CD5: variants seen among roughly 807,000 people sequenced by gnomAD.
CD5 encodes the protein CD5 molecule.
Under a neutral mutation model 60.3 loss-of-function variants are expected in CD5, and 36 were observed. The ratio of observed to expected loss-of-function variants is 0.60; its 90% CI spans 0.46 to 0.79. The LOEUF is 0.79. Ranked by LOEUF, CD5 falls within the 30% of genes least tolerant of loss-of-function variation. The pLI is 0.00. For missense variants in CD5, 540 were observed against 630.6 expected (o/e 0.86, Z 1.54); for synonymous variants, 230 against 257.6 (o/e 0.89, Z 1.03).
chr11:61,110,674 T>C (rs1339627655), intron 1 of CD5, among the ~76,000 whole-genome samples: 1 of 152,214 alleles, frequency 6.6e-6, no homozygotes, highest in Non-Finnish European at 1.5e-5. Context: ...GCCAGGCGGC[T>C]AGGTTTGAGT....
In CD5 at chr11:61,118,503, G is replaced by A. The variant is rs771914751; in HGVS notation, c.400+23G>A. The A allele has an allele frequency of 1.4e-5, 22 of 1,605,610 alleles. No homozygotes were observed. Among genetic ancestry groups the A allele is most frequent in the South Asian group, 6.6e-5 (6 of 90,366 alleles). The stretch of plus-strand genomic sequence containing the variant: ...TAGGTGGGTAACTAGCCAGCCACAC[G>A]GGCACCCTGGGCCTGGGCGCCAGCC... On this transcript the variant is annotated intron_variant, in intron 3 of 10. Coordinates refer to ENST00000347785, the MANE Select transcript of CD5 (RefSeq NM_014207.4). The surrounding 1 kb of genome is among the most constrained non-coding windows in gnomAD (Gnocchi z 4.7).
At chr11:61,109,935 G>A (rs544570227) in intron 1 of CD5, among the ~76,000 whole-genome samples, 1 of 152,202 alleles carries the variant, frequency 6.6e-6, no homozygotes, top group East Asian at 1.9e-4. Context: ...GCACTTCCAG[G>A]CCTCGGGGGC....
At chr11:61,103,479 A>C (rs1860730215) in intron 1 of CD5, among the ~76,000 whole-genome samples, 1 of 152,068 alleles carries the variant, frequency 6.6e-6, no homozygotes, top group Admixed American at 6.5e-5. Flanking sequence ...TGCCTGCCTG[A>C]GCAGGGAGCC....
chr11:61,119,103 T>C, intron 4 of CD5, 126 bp downstream of exon 4: 1 of 1,172,388 alleles, frequency 8.5e-7, no homozygotes, highest in Non-Finnish European at 1.2e-6. Context: ...ACGCAATATT[T>C]GGGACCCCAT....
chr11:61,099,599 A>T (rs1207946059), upstream of CD5, among the ~76,000 whole-genome samples: 1 of 151,580 alleles, frequency 6.6e-6, no homozygotes, highest in Non-Finnish European at 1.5e-5. Context: ...CAACATGGAG[A>T]TCACATTCAC....
In CD5 at chr11:61,118,101, G is replaced by C. The variant is rs914638546; in HGVS notation, c.95-74G>C. 4 of 1,493,540 alleles carry C rather than the reference G, an allele frequency of 2.7e-6. No individual in the cohort carries two copies. Among genetic ancestry groups the C allele is most frequent in the Non-Finnish European group, 3.7e-6 (4 of 1,090,586 alleles). 92.5% of individuals were successfully genotyped at this position (1,493,540 alleles called of 1,614,324 possible). The stretch of plus-strand genomic sequence containing the variant: ...GGAGGGAGCTCAACTGGGCGTCCTA[G>C]GGAGAGGGCAGTGAGGGGTGCCAGT... On this transcript the variant is annotated intron_variant, in intron 2 of 10. Coordinates refer to ENST00000347785, the MANE Select transcript of CD5 (RefSeq NM_014207.4). This position sits in a 1 kb window ranked among gnomAD's most constrained non-coding sequence, Gnocchi z 4.7.
chr11:61,114,276 C>T (rs375186417), intron 1 of CD5, among the ~76,000 whole-genome samples: 24 of 152,228 alleles, frequency 1.6e-4, no homozygotes, highest in African/African-American at 5.3e-4. Context: ...CGTGCACGGC[C>T]TCTCTATTCT....
intron 1 of CD5, among the ~76,000 whole-genome samples, chr11:61,103,053 T>C (rs1451782421): frequency 6.6e-6 from 1 of 152,190 alleles, no homozygotes; most frequent in East Asian, 1.9e-4. Context: ...GCAGCTCTGA[T>C]GATGCTCTGG....
chr11:61,121,931 T>C, intron 6 of CD5, 27 bp downstream of exon 6: 1 of 1,503,604 alleles, frequency 6.7e-7, no homozygotes, highest in South Asian at 1.3e-5. Context: ...CCACAGTGGG[T>C]GGAAGCAGTT....
chr11:61,123,683 G>T (rs1861102273), intron 7 of CD5, among the ~76,000 whole-genome samples: 1 of 152,072 alleles, frequency 6.6e-6, no homozygotes. Context: ...TTCGGCACAG[G>T]ATGGCTGCAA....
At chr11:61,120,514 A>G (rs1861042407) in intron 5 of CD5, among the ~76,000 whole-genome samples, 1 of 152,184 alleles carries the variant, frequency 6.6e-6, no homozygotes, top group Admixed American at 6.5e-5. Context: ...CTGTTCAAGC[A>G]GGGTCACTCT....
chr11:61,125,282 C>T, intron 9 of CD5, 131 bp downstream of exon 9: 1 of 981,916 alleles, frequency 1.0e-6, no homozygotes, highest in East Asian at 2.6e-5. Context: ...GCAAGGGGAT[C>T]AAACATCGCA....
chr11:61,110,312 C>A, intron 1 of CD5, among the ~76,000 whole-genome samples: 1 of 152,160 alleles, frequency 6.6e-6, no homozygotes, highest in East Asian at 1.9e-4. Flanking sequence ...CATCTCACCG[C>A]CCTCCCTCCA....
rs546402353 is a variant in CD5 at position 61,118,146 on chromosome 11, G to A, written c.95-29G>A. The A allele has an allele frequency of 1.9e-6, 3 of 1,603,378 alleles. No individual in the cohort carries two copies. In the East Asian group the frequency reaches 6.7e-5, roughly 36 times the overall value. Reference sequence around the variant, plus strand: ...GCCAGTGGGGAACCCCTCCCAGCCTGACCCCCACCACACCTTTCTGACCCC... The same window carrying A: ...GCCAGTGGGGAACCCCTCCCAGCCTAACCCCCACCACACCTTTCTGACCCC... On this transcript the variant is annotated intron_variant, in intron 2 of 10. Coordinates refer to ENST00000347785, the MANE Select transcript of CD5 (RefSeq NM_014207.4). The surrounding 1 kb of genome is among the most constrained non-coding windows in gnomAD (Gnocchi z 4.7).
At chr11:61,102,274 T>C (rs963878396), upstream of CD5, 3 of 495,306 alleles carry the variant, frequency 6.1e-6, no homozygotes, top group Non-Finnish European at 7.3e-6. Context: ...GGCCTTGTCC[T>C]GTGTGGGGGT....
chr11:61,121,621 C>A lies in CD5; in HGVS notation c.816C>A (p.Pro272=), dbSNP rs776415759. ...VLALLCSGFQ[P]KVQSRLVGGS... Reference sequence around the variant, plus strand: ...TGCTTCCCCTCTCAGGTTTCCAGCCCAAGGTGCAGAGCCGTCTGGTGGGGG... The same window carrying A: ...TGCTTCCCCTCTCAGGTTTCCAGCCAAAGGTGCAGAGCCGTCTGGTGGGGG... Residue 272 remains proline, a synonymous_variant, in exon 6 of 11, where the codon CCC becomes CCA. Coordinates refer to ENST00000347785, the MANE Select transcript of CD5 (RefSeq NM_014207.4). 132 of 1,470,390 alleles carry A rather than the reference C, an allele frequency of 9.0e-5. No individual in the cohort carries two copies. The highest frequency in any genetic ancestry group is 1.2e-4 in the Non-Finnish European group (130 of 1,106,112). 91.1% of individuals were successfully genotyped at this position (1,470,390 alleles called of 1,614,324 possible).
chr11:61,121,826 T>C lies in CD5; in HGVS notation c.1021T>C (p.Phe341Leu), dbSNP rs770732586. ...DAGDPTSRGL[F>L]CPHQKLSQCH... ...TGGTGACCCAACATCCCGGGGGCTCTTCTGTCCCCATCAGAAGCTGTCCCA... is the reference window on the plus strand; with the variant it reads ...TGGTGACCCAACATCCCGGGGGCTCCTCTGTCCCCATCAGAAGCTGTCCCA... The change falls in exon 6 of 11, where the codon TTC becomes CTC. Residue 341 changes from phenylalanine to leucine, a missense_variant. By Grantham distance (22) the Phe-to-Leu change is conservative. Coordinates refer to ENST00000347785, the MANE Select transcript of CD5 (RefSeq NM_014207.4). 4 of 1,602,310 alleles carry C rather than the reference T, an allele frequency of 2.5e-6. No homozygotes were observed. The South Asian group carries it at 4.4e-5, about 18-fold the overall frequency.
In CD5 at chr11:61,126,287, G is replaced by C. The variant is rs1861147798; in HGVS notation, c.*3-1G>C. Reference sequence around the variant, plus strand: ...TAACACGTTTCCTTCTCACCCCACAGAACTGGGATCCATGAGCAAAAAGCC... The same window carrying C: ...TAACACGTTTCCTTCTCACCCCACACAACTGGGATCCATGAGCAAAAAGCC... On this transcript the variant is annotated splice_acceptor_variant, in intron 10 of 10. Transcript: ENST00000347785. LOFTEE classifies it low-confidence loss of function (3UTR_SPLICE). The C allele has an allele frequency of 6.5e-6, 1 of 154,564 alleles. No homozygotes were observed. Among genetic ancestry groups the C allele is most frequent in the Admixed American group, 6.5e-5 (1 of 15,340 alleles). 9.6% of individuals were successfully genotyped at this position (154,564 alleles called of 1,614,324 possible).
chr11:61,108,378 C>A (rs1860804859), intron 1 of CD5, among the ~76,000 whole-genome samples: 1 of 152,232 alleles, frequency 6.6e-6, no homozygotes, highest in Non-Finnish European at 1.5e-5. Context: ...ATCTGCTGTT[C>A]CTTCCTGCGG....
Sources: allele counts gnomAD v4.1 joint callset (sites outside exome capture counted in the v4.1 genomes callset), GRCh38; gene constraint gnomAD v4.1.1; non-coding constraint Gnocchi (gnomAD v3.1); transcripts MANE v1.5; gene names NCBI Gene and HGNC (gene_info 2026-07-23, HGNC 2026-07-21).